PPM1H: variants seen among roughly 807,000 people sequenced by gnomAD.
PPM1H encodes protein phosphatase 1H.
PPM1H carries 27 observed loss-of-function variants against 54.9 expected under a neutral mutation model. That is an observed-to-expected ratio of 0.49 (90% CI 0.36 to 0.68). The LOEUF (loss-of-function observed/expected upper bound fraction) is 0.68. Ranked by LOEUF, PPM1H falls within the 30% of genes least tolerant of loss-of-function variation. The probability of loss-of-function intolerance (pLI) is 0.00; values close to 1 mark genes in which losing one functional copy is unlikely to be tolerated. For missense variants in PPM1H, 596 were observed against 667.8 expected (o/e 0.89, Z 1.19); for synonymous variants, 305 against 270.8 (o/e 1.13, Z -1.24).
Position 62,737,532 on chromosome 12 carries a change from G to A in PPM1H, c.924C>T (p.Pro308=), listed in dbSNP as rs571729631. 1.7e-5 allele frequency: 27 copies of A among 1,586,894 alleles called. No individual in the cohort carries two copies. The highest frequency in any genetic ancestry group is 1.7e-4 in the Middle Eastern group (1 of 6,018). ...ACTGAAGTCGCTGGCGCTCCGTCTC[G>A]GGGGTAAATTCTGAAGACATGGGGA... ...EIIPMSSEFT[P]ETERQRLQYL... is the part of the protein sequence containing the mutation. Residue 308 remains proline, a synonymous_variant, in exon 5 of 10, where the codon CCC becomes CCT. Transcript: ENST00000228705.
chr12:62,710,864 T>C (rs1232030015), intron 6 of PPM1H, among the ~76,000 whole-genome samples: 1 of 152,222 alleles, frequency 6.6e-6, no homozygotes, highest in Non-Finnish European at 1.5e-5. Flanking sequence ...CAGCAGCTCT[T>C]GCTGACCCTT....
rs942342432 is a variant in PPM1H, at chr12:62,830,914, C to T, written c.411+1200G>A. ...TGTCGCCCAGGCTGGAGTGCAGTGGCGTGATCTCAGCTCACTGCAAGCTCT... is the reference window on the plus strand; with the variant it reads ...TGTCGCCCAGGCTGGAGTGCAGTGGTGTGATCTCAGCTCACTGCAAGCTCT... On this transcript the variant is annotated intron_variant, in intron 2 of 9. Transcript: ENST00000228705. 5.3e-5 allele frequency among the ~76,000 whole-genome samples: 8 copies of T among 152,004 alleles called. No homozygotes were observed. In the East Asian group the frequency reaches 1.2e-3, roughly 22 times the overall value.
chr12:62,753,688 G>A (rs1306494531), intron 4 of PPM1H, among the ~76,000 whole-genome samples: 1 of 152,196 alleles, frequency 6.6e-6, no homozygotes, highest in African/African-American at 2.4e-5. Context: ...TCTTTTTTGA[G>A]ATGCACAGGC....
chr12:62,702,202 G>A (rs1474429947), intron 6 of PPM1H, among the ~76,000 whole-genome samples: 2 of 151,948 alleles, frequency 1.3e-5, no homozygotes, highest in East Asian at 3.9e-4. Context: ...TTTATTATTA[G>A]TATATATACA....
At chr12:62,658,840 T>C (rs1042380841) in intron 9 of PPM1H, 1 of 560,202 alleles carries the variant, frequency 1.8e-6, no homozygotes, top group South Asian at 1.6e-5. Context: ...TCAGACTCCT[T>C]GTGGAGCCCA....
chr12:62,834,215 G>T (rs1388230658), intron 1 of PPM1H, among the ~76,000 whole-genome samples: 1 of 152,144 alleles, frequency 6.6e-6, no homozygotes, highest in Non-Finnish European at 1.5e-5. Flanking sequence ...ACTCTCAGGG[G>T]CTGAGCAGTG....
chr12:62,844,323 A>ATT lies in PPM1H; in HGVS notation c.246-12045_246-12044insAA, dbSNP rs1868873177. 6.6e-6 allele frequency among the ~76,000 whole-genome samples: 1 copy of ATT among 152,232 alleles called. No individual in the cohort carries two copies. The highest frequency in any genetic ancestry group is 1.5e-5 in the Non-Finnish European group (1 of 68,050). On this transcript the variant is annotated intron_variant, in intron 1 of 9. Transcript: ENST00000228705. This position sits in a 1 kb window ranked among gnomAD's most constrained non-coding sequence, Gnocchi z 5.2. Reference sequence around the variant, plus strand: ...GCTTAGTATGGATTACTACATTCCAAGGAAGATTGCTTTAGCATTCCTGAG... The same window carrying ATT: ...GCTTAGTATGGATTACTACATTCCAATTGGAAGATTGCTTTAGCATTCCTGAG...
chr12:62,843,839 T>C (rs887006607), intron 1 of PPM1H, among the ~76,000 whole-genome samples: 1 of 152,222 alleles, frequency 6.6e-6, no homozygotes, highest in Admixed American at 6.5e-5. Context: ...GATTAAAGAC[T>C]GAACAATACA....
chr12:62,858,045 A>G (rs904016331), intron 1 of PPM1H, among the ~76,000 whole-genome samples: 4 of 151,690 alleles, frequency 2.6e-5, no homozygotes, highest in African/African-American at 7.3e-5. Flanking sequence ...TTTGCAATGG[A>G]TCCCCAAATG....
rs574765483 is a variant in PPM1H at position 62,791,878 on chromosome 12, C to T, written c.757-3540G>A. Among the ~76,000 whole-genome samples, 13 of 152,212 alleles carry T rather than the reference C, an allele frequency of 8.5e-5. No homozygotes were observed. The East Asian group carries it at 1.4e-3, about 16-fold the overall frequency. On this transcript the variant is annotated intron_variant, in intron 3 of 9. Coordinates refer to ENST00000228705, the MANE Select transcript of PPM1H (RefSeq NM_020700.2). ...GCCGGAGGTTGCAGTGAGCCAAGAT[C>T]GCACCACACCACTGCACTCTAGCCT...
rs115482569 is a variant in PPM1H, at chr12:62,778,296, T to A, written c.869+9930A>T. ...ACTGCTAACTGTCCACCAAAATCAA[T>A]TCCCTTGGGCCTGGGTACACGACTT... On this transcript the variant is annotated intron_variant, in intron 4 of 9. Coordinates refer to ENST00000228705, the MANE Select transcript of PPM1H (RefSeq NM_020700.2). Among the ~76,000 whole-genome samples, 451 of 152,340 alleles carry A rather than the reference T, an allele frequency of 3.0e-3. 2 individuals are homozygous for A. Among genetic ancestry groups the A allele is most frequent in the African/African-American group, 0.01 (426 of 41,596 alleles).
chr12:62,702,217 G>C (rs2076147624), intron 6 of PPM1H, among the ~76,000 whole-genome samples: 1 of 152,086 alleles, frequency 6.6e-6, no homozygotes, highest in African/African-American at 2.4e-5. Flanking sequence ...TATACAAATA[G>C]TTATAAAATC....
intron 1 of PPM1H, among the ~76,000 whole-genome samples, chr12:62,900,261 G>A (rs575108935): frequency 5.3e-5 from 8 of 152,200 alleles, no homozygotes; most frequent in Middle Eastern, 3.4e-3. Context: ...GAGAACATGC[G>A]GTGTTTGGTT....
In PPM1H at chr12:62,832,108, T is replaced by C; in HGVS notation, c.411+6A>G. 6.2e-7 allele frequency: 1 copy of C among 1,612,908 alleles called. No individual in the cohort carries two copies. Among genetic ancestry groups the C allele is most frequent in the East Asian group, 2.2e-5 (1 of 44,806 alleles). The stretch of plus-strand genomic sequence containing the variant: ...CCTGAGAACCAAGGATCGAGAAGGG[T>C]CTTACCGAGTTCTCCTTCAGCTGCA... On this transcript the variant is annotated splice_donor_region_variant and intron_variant, in intron 2 of 9. Coordinates refer to ENST00000228705, the MANE Select transcript of PPM1H (RefSeq NM_020700.2).
chr12:62,853,241 A>G (rs547999552), intron 1 of PPM1H, among the ~76,000 whole-genome samples: 1 of 152,310 alleles, frequency 6.6e-6, no homozygotes, highest in South Asian at 2.1e-4. Flanking sequence ...GATTCAAAGG[A>G]AAAAATGTAT....
At chr12:62,758,803 T>C (rs1328412093) in intron 4 of PPM1H, among the ~76,000 whole-genome samples, 1 of 152,220 alleles carries the variant, frequency 6.6e-6, no homozygotes, top group Non-Finnish European at 1.5e-5. Flanking sequence ...TAAGCCATCA[T>C]ATTCCCTGTG....
chr12:62,909,091 CG>C (rs1478475769), intron 1 of PPM1H, among the ~76,000 whole-genome samples: 1 of 152,070 alleles, frequency 6.6e-6, no homozygotes, highest in Non-Finnish European at 1.5e-5. Flanking sequence ...GCTGAAAATC[CG>C]GAATTATCTT....
chr12:62,717,662 CAAAAACA>C (rs1326749514), intron 6 of PPM1H, among the ~76,000 whole-genome samples: 32 of 151,546 alleles, frequency 2.1e-4, no homozygotes, highest in African/African-American at 7.5e-4. Context: ...CCACTAAAAA[CAAAAACA>C]AAAAACAAAA....
chr12:62,659,269 CAAA>C (rs11349692), intron 9 of PPM1H: 788 of 91,424 alleles, frequency 8.6e-3, no homozygotes, highest in South Asian at 0.032. Flanking sequence ...GTAAAAACTG[CAAA>C]AAAAAAAAAA....
Sources: allele counts gnomAD v4.1 joint callset (sites outside exome capture counted in the v4.1 genomes callset), GRCh38; gene constraint gnomAD v4.1.1; non-coding constraint Gnocchi (gnomAD v3.1); transcripts MANE v1.5; gene names NCBI Gene and HGNC (gene_info 2026-07-23, HGNC 2026-07-21).